BICC1: variants seen among roughly 807,000 people sequenced by gnomAD.
The protein encoded by BICC1 is BicC family RNA binding protein 1.
A neutral mutation model predicts 111.0 loss-of-function variants in BICC1; 43 were observed. The observed-to-expected ratio is 0.39, with a 90% CI of 0.30 to 0.50. The LOEUF (loss-of-function observed/expected upper bound fraction) is 0.50. BICC1 is among the 20% of genes least tolerant of loss of function. The probability of loss-of-function intolerance (pLI) is 0.88; values close to 1 mark genes in which losing one functional copy is unlikely to be tolerated. For synonymous variants in BICC1, 467 were observed against 434.4 expected, an observed-to-expected ratio of 1.07 and a Z score of -0.93; for missense variants, 1,091 against 1,203.2, an observed-to-expected ratio of 0.91 and a Z score of 1.38.
intron 1 of BICC1, among the ~76,000 whole-genome samples, 158 bp from the exon 2 acceptor site, chr10:58,620,697 C>T (rs1201476127): frequency 6.6e-6 from 1 of 152,082 alleles, no homozygotes; most frequent in African/African-American, 2.4e-5. Context: ...TAGTCTTTAC[C>T]AGTTTTGCAT....
At position 58,828,912 on chromosome 10, in the gene BICC1, C is replaced by T; in HGVS notation, c.*21C>T. The T allele has an allele frequency of 1.2e-6, 2 of 1,612,912 alleles. No individual in the cohort carries two copies. Among genetic ancestry groups the T allele is most frequent in the South Asian group, 2.2e-5 (2 of 90,990 alleles). ...GGTAGCAGCACCCTCTTGGCACATG[C>T]CCGCTGACTAACTGTAAAGTGGACA... is the stretch of plus-strand genomic sequence containing the variant. On this transcript the variant is annotated 3_prime_UTR_variant, in exon 21 of 21. Transcript: ENST00000373886.
intron 3 of BICC1, among the ~76,000 whole-genome samples, chr10:58,741,313 A>G (rs1028737900): frequency 7.9e-5 from 12 of 152,170 alleles, no homozygotes; most frequent in Admixed American, 2.6e-4. Context: ...TTTATGGATT[A>G]TATATGATCA....
At chr10:58,823,298 G>A (rs1844304234) in intron 20 of BICC1, 1 of 985,186 alleles carries the variant, frequency 1.0e-6, no homozygotes, top group Non-Finnish European at 1.2e-6. Flanking sequence ...GAATTTCAAA[G>A]AAAAAGGTTG....
chr10:58,552,362 G>A (rs1207583375), intron 1 of BICC1, among the ~76,000 whole-genome samples: 3 of 151,728 alleles, frequency 2.0e-5, no homozygotes, highest in African/African-American at 7.3e-5. Flanking sequence ...TTGAGATGGA[G>A]TCTTGCACTG....
intron 2 of BICC1, among the ~76,000 whole-genome samples, chr10:58,633,456 T>G (rs1837859060): frequency 6.6e-6 from 1 of 152,214 alleles, no homozygotes; most frequent in African/African-American, 2.4e-5. Context: ...AAATTATTAC[T>G]TTTTTCCACT....
At chr10:58,621,469 A>G (rs1845804036) in intron 2 of BICC1, among the ~76,000 whole-genome samples, 1 of 152,068 alleles carries the variant, frequency 6.6e-6, no homozygotes, top group South Asian at 2.1e-4. Context: ...GAGCATTTCT[A>G]AGTGCCCTGG....
rs574320850 is a variant in BICC1, at chr10:58,524,865, G to A, written c.190+11532G>A. Among the ~76,000 whole-genome samples, 18 of 152,192 alleles carry A rather than the reference G, an allele frequency of 1.2e-4. No homozygotes were observed. In the South Asian group the frequency reaches 1.2e-3, roughly 11 times the overall value. ...ACAATGAACTCCAACAAATTTACAA[G>A]AAAAAATCAAACAACCCCATCAACA... On this transcript the variant is annotated intron_variant, in intron 1 of 20. Coordinates refer to ENST00000373886, the MANE Select transcript of BICC1 (RefSeq NM_001080512.3).
At chr10:58,728,938 T>C (rs914456335) in intron 3 of BICC1, among the ~76,000 whole-genome samples, 1 of 152,210 alleles carries the variant, frequency 6.6e-6, no homozygotes, top group African/African-American at 2.4e-5. Flanking sequence ...GCTTAAAATA[T>C]TCAGCAAATC....
intron 1 of BICC1, among the ~76,000 whole-genome samples, chr10:58,523,809 C>T (rs570654072): frequency 3.9e-5 from 6 of 152,194 alleles, no homozygotes; most frequent in South Asian, 4.2e-4. Flanking sequence ...AAAACCCCAT[C>T]GTCTCAGCCC....
At chr10:58,754,288 A>G (rs904995587) in intron 3 of BICC1, among the ~76,000 whole-genome samples, 6 of 152,222 alleles carry the variant, frequency 3.9e-5, no homozygotes, top group Non-Finnish European at 5.9e-5. Context: ...TAGAGTGAAT[A>G]ACTTTGAGAG....
At chr10:58,640,565 C>CCT (rs1296898939) in intron 2 of BICC1, among the ~76,000 whole-genome samples, 1 of 152,058 alleles carries the variant, frequency 6.6e-6, no homozygotes, top group East Asian at 1.9e-4. Context: ...TTTGTTAAAC[C>CCT]CTAAGATGGT....
rs190813915 is a variant in BICC1, at chr10:58,822,702, G to C, written c.2794+2234G>C. Reference sequence around the variant, plus strand: ...ACCTGGTAAATTATTTTCTCTGAAAGCAATACATTTTTATTGAGAAAATTC... The same window carrying C: ...ACCTGGTAAATTATTTTCTCTGAAACCAATACATTTTTATTGAGAAAATTC... On this transcript the variant is annotated intron_variant, in intron 20 of 20. Coordinates refer to ENST00000373886, the MANE Select transcript of BICC1 (RefSeq NM_001080512.3). Among the ~76,000 whole-genome samples, 261 of 152,174 alleles carry C rather than the reference G, an allele frequency of 1.7e-3. 1 individual carries two copies. The highest frequency in any genetic ancestry group is 3.0e-3 in the Non-Finnish European group (203 of 67,982).
intron 3 of BICC1, among the ~76,000 whole-genome samples, chr10:58,752,019 A>G (rs1385756770): frequency 6.6e-6 from 1 of 152,210 alleles, no homozygotes; most frequent in East Asian, 1.9e-4. Context: ...CTATGATTTC[A>G]CATGAGCTAT....
chr10:58,584,198 A>T (rs1394354846), intron 1 of BICC1, among the ~76,000 whole-genome samples: 1 of 152,154 alleles, frequency 6.6e-6, no homozygotes, highest in South Asian at 2.1e-4. Flanking sequence ...ACCAGATTTT[A>T]TAGCTTTCCT....
At chr10:58,669,452 AT>A (rs770736348) in intron 2 of BICC1, among the ~76,000 whole-genome samples, 173 of 152,214 alleles carry the variant, frequency 1.1e-3, no homozygotes, top group Non-Finnish European at 1.9e-3. Flanking sequence ...TGACCCTTAT[AT>A]TTTGAAGATG....
At chr10:58,707,949 G>A (rs896937666) in intron 3 of BICC1, among the ~76,000 whole-genome samples, 7 of 151,936 alleles carry the variant, frequency 4.6e-5, no homozygotes, top group East Asian at 1.9e-4. Flanking sequence ...CAGCCACTTC[G>A]GCCTCCCAAA....
chr10:58,667,797 A>G (rs999092026), intron 2 of BICC1, among the ~76,000 whole-genome samples: 3 of 151,988 alleles, frequency 2.0e-5, no homozygotes, highest in Non-Finnish European at 4.4e-5. Context: ...ACTAATAGCT[A>G]CTCCTTGGAG....
intron 1 of BICC1, among the ~76,000 whole-genome samples, chr10:58,528,062 T>G (rs1842591323): frequency 6.6e-6 from 1 of 151,974 alleles, no homozygotes; most frequent in Non-Finnish European, 1.5e-5. Flanking sequence ...GGCCCAGAGC[T>G]GTGAAAATAT....
At chr10:58,531,618 A>G (rs1842684513) in intron 1 of BICC1, among the ~76,000 whole-genome samples, 1 of 151,918 alleles carries the variant, frequency 6.6e-6, no homozygotes, top group Non-Finnish European at 1.5e-5. Context: ...TACCTGACAA[A>G]TAGTTTAAAA....
Sources: allele counts gnomAD v4.1 joint callset (sites outside exome capture counted in the v4.1 genomes callset), GRCh38; gene constraint gnomAD v4.1.1; transcripts MANE v1.5; gene names NCBI Gene and HGNC (gene_info 2026-07-23, HGNC 2026-07-21).